WDR37: variants seen among roughly 807,000 people sequenced by gnomAD.
WDR37 encodes the protein WD repeat domain 37.
In WDR37, 19 loss-of-function variants were observed where a neutral mutation model predicts 62.9. The ratio of observed to expected loss-of-function variants is 0.30; its 90% confidence interval spans 0.21 to 0.44. The LOEUF (loss-of-function observed/expected upper bound fraction) is 0.44, where lower values mean the gene tolerates loss of function less well. WDR37 is among the 20% of genes least tolerant of loss of function. The probability of loss-of-function intolerance (pLI) is 1.00; values close to 1 mark genes in which losing one functional copy is unlikely to be tolerated. For synonymous variants in WDR37, 250 were observed against 260.9 expected (o/e 0.96, Z 0.40); for missense variants, 474 against 657.6 (o/e 0.72, Z 3.05).
chr10:1,115,420 A>G (rs1178666200), intron 11 of WDR37, among the ~76,000 whole-genome samples: 1 of 152,214 alleles, frequency 6.6e-6, no homozygotes, highest in African/African-American at 2.4e-5. Flanking sequence ...TTTATTTCCA[A>G]ACACCTGGGG....
chr10:1,107,791 T>C (rs10903369), intron 11 of WDR37, among the ~76,000 whole-genome samples: 17,404 of 151,936 alleles, frequency 0.11, 1,221 homozygotes, highest in East Asian at 0.26. Context: ...GGTTCGCCTG[T>C]TGTATTGCAG....
At chr10:1,094,822 G>A (rs1298233176) in intron 8 of WDR37, among the ~76,000 whole-genome samples, 4 of 151,882 alleles carry the variant, frequency 2.6e-5, no homozygotes, top group Non-Finnish European at 5.9e-5. Flanking sequence ...GTGAGGTAAT[G>A]GACATAGAGA....
At chr10:1,126,307 G>T (rs1483291760) in intron 13 of WDR37, among the ~76,000 whole-genome samples, 1 of 150,792 alleles carries the variant, frequency 6.6e-6, no homozygotes, top group Non-Finnish European at 1.5e-5. Context: ...TCGGGAGGCT[G>T]AGGCAGGAGA....
At chr10:1,066,724 G>C (rs1031640513) in intron 1 of WDR37, among the ~76,000 whole-genome samples, 26 of 152,210 alleles carry the variant, frequency 1.7e-4, no homozygotes, top group African/African-American at 5.5e-4. Context: ...GCTTGTATTA[G>C]TCCATTTTCA....
At chr10:1,084,379 C>G (rs539877231) in intron 5 of WDR37, 24 bp from the exon 6 acceptor site, 1 of 1,597,480 alleles carries the variant, frequency 6.3e-7, no homozygotes, top group Admixed American at 1.7e-5. Flanking sequence ...AATTGTTTCA[C>G]AAGACTCCCC....
intron 13 of WDR37, among the ~76,000 whole-genome samples, chr10:1,127,616 G>A (rs1835834619): frequency 6.6e-6 from 1 of 152,086 alleles, no homozygotes; most frequent in Non-Finnish European, 1.5e-5. Context: ...TGAGTTTTGG[G>A]AAAGCGAGCT....
At chr10:1,124,866 T>C (rs755916189) in intron 12 of WDR37, 44 bp from the exon 13 acceptor site, 2 of 1,605,084 alleles carry the variant, frequency 1.2e-6, no homozygotes, top group Admixed American at 1.7e-5. Context: ...AAACTTACAG[T>C]GTCACTGTTT....
chr10:1,106,782 G>T (rs930669932), intron 11 of WDR37, among the ~76,000 whole-genome samples: 3 of 152,176 alleles, frequency 2.0e-5, no homozygotes, highest in African/African-American at 7.2e-5. Context: ...CTACCAAAGT[G>T]CTGGGATTAT....
chr10:1,102,964 C>T (rs1834876617), intron 9 of WDR37, among the ~76,000 whole-genome samples: 1 of 152,174 alleles, frequency 6.6e-6, no homozygotes, highest in South Asian at 2.1e-4. Context: ...AGCCGTCTGT[C>T]CTCTTCTGCA....
At chr10:1,075,532 A>G (rs1452765430) in intron 2 of WDR37, among the ~76,000 whole-genome samples, 2 of 150,908 alleles carry the variant, frequency 1.3e-5, no homozygotes, top group Non-Finnish European at 1.5e-5. Context: ...ATATTCAAGT[A>G]TATATGACAT....
chr10:1,056,657 A>AG lies in WDR37; in HGVS notation c.-348dup. On this transcript the variant is annotated 5_prime_UTR_variant, in exon 1 of 14. Transcript: ENST00000263150. Reference sequence around the variant, plus strand: ...GTGGGGGCGTTGGCCCAGCAGCCGAAGGGGTCTTCAGCGCGCCCAGACCCC... The same window carrying AG: ...GTGGGGGCGTTGGCCCAGCAGCCGAAGGGGGTCTTCAGCGCGCCCAGACCCC... The AG allele has an allele frequency of 6.6e-6, 1 of 152,320 alleles. No individual in the cohort carries two copies. The highest frequency in any genetic ancestry group is 2.1e-4 in the South Asian group (1 of 4,834). 9.4% of individuals were successfully genotyped at this position (152,320 alleles called of 1,614,324 possible).
At chr10:1,061,831 G>A (rs1296544980) in intron 1 of WDR37, among the ~76,000 whole-genome samples, 1 of 118,936 alleles carries the variant, frequency 8.4e-6, no homozygotes, top group South Asian at 2.8e-4. Context: ...CAGTGGAGAC[G>A]TCATCTCAAA....
rs745566295 is a variant in WDR37 at position 1,124,077 on chromosome 10, G to A, written c.1104-141G>A. The stretch of plus-strand genomic sequence containing the variant: ...CACTGGTGGAGAGGCTTTGGGAGGC[G>A]GGAGCAGTTTGCAGAGGAGAGAGCT... On this transcript the variant is annotated intron_variant, in intron 11 of 13. Coordinates refer to ENST00000263150, the MANE Select transcript of WDR37 (RefSeq NM_014023.4). 23 of 1,089,652 alleles carry A rather than the reference G, an allele frequency of 2.1e-5. No individual in the cohort carries two copies. In the East Asian group the frequency reaches 4.0e-4, roughly 19 times the overall value. The allele number at this position is 1,089,652 out of a possible 1,614,324, so 67.5% of individuals were successfully genotyped here.
chr10:1,116,789 C>G (rs1464545650), intron 11 of WDR37, among the ~76,000 whole-genome samples: 1 of 152,108 alleles, frequency 6.6e-6, no homozygotes, highest in Non-Finnish European at 1.5e-5. Flanking sequence ...TTGGGTGTTT[C>G]CTTTGTATTA....
In WDR37 at chr10:1,121,810, A is replaced by G. The variant is rs1000219271; in HGVS notation, c.1104-2408A>G. On this transcript the variant is annotated intron_variant, in intron 11 of 13. Coordinates refer to ENST00000263150, the MANE Select transcript of WDR37 (RefSeq NM_014023.4). This position sits in a 1 kb window ranked among gnomAD's most constrained non-coding sequence, Gnocchi z 4.5. ...AGCAATCCACACCGCAGCTGTGGGC[A>G]CCACGACCAGGCCTTTGAGAATGCA... Among the ~76,000 whole-genome samples, 11 of 151,872 alleles carry G rather than the reference A, an allele frequency of 7.2e-5. No individual in the cohort carries two copies. The highest frequency in any genetic ancestry group is 2.2e-4 in the African/African-American group (9 of 41,320).
At position 1,123,920 on chromosome 10, in the gene WDR37, A is replaced by G. The variant is rs1835662712; in HGVS notation, c.1104-298A>G. On this transcript the variant is annotated intron_variant, in intron 11 of 13. Coordinates refer to ENST00000263150, the MANE Select transcript of WDR37 (RefSeq NM_014023.4). The stretch of plus-strand genomic sequence containing the variant: ...CTCTGCCATAGACCCAGATGTGTAG[A>G]CATTTGGGCATGTTCTGTCCAACCC... 1.8e-5 allele frequency: 6 copies of G among 326,732 alleles called. No individual in the cohort carries two copies. The South Asian group carries it at 3.9e-4, about 21-fold the overall frequency. 20.2% of individuals were successfully genotyped at this position (326,732 alleles called of 1,614,324 possible).
At position 1,080,397 on chromosome 10, in the gene WDR37, T is replaced by C; in HGVS notation, c.332-15T>C. Reference sequence around the variant, plus strand: ...TTGTGTGATTGTGTTTGATTGTCACTCTCTGTCCCTGCAGCCAGTCACAGC... The same window carrying C: ...TTGTGTGATTGTGTTTGATTGTCACCCTCTGTCCCTGCAGCCAGTCACAGC... On this transcript the variant is annotated splice_polypyrimidine_tract_variant and intron_variant, in intron 4 of 13. Coordinates refer to ENST00000263150, the MANE Select transcript of WDR37 (RefSeq NM_014023.4). The C allele has an allele frequency of 6.2e-7, 1 of 1,614,084 alleles. No homozygotes were observed. Among genetic ancestry groups the C allele is most frequent in the Non-Finnish European group, 8.5e-7 (1 of 1,180,012 alleles).
Position 1,056,756 on chromosome 10 carries a change from T to G in WDR37, c.-253T>G, listed in dbSNP as rs892447305. On this transcript the variant is annotated 5_prime_UTR_variant, in exon 1 of 14. Coordinates refer to ENST00000263150, the MANE Select transcript of WDR37 (RefSeq NM_014023.4). ...TGTGGGGCGGAGGTGTGGGGCGGCT[T>G]CCGGAGAACCCAGCGGCGCGGGACT... is the stretch of plus-strand genomic sequence containing the variant. The G allele has an allele frequency of 2.6e-5, 4 of 152,132 alleles. No individual in the cohort carries two copies. The highest frequency in any genetic ancestry group is 9.7e-5 in the African/African-American group (4 of 41,388). 9.4% of individuals were successfully genotyped at this position (152,132 alleles called of 1,614,324 possible). A position where few individuals can be genotyped will look rare whatever the true frequency, so the allele number is the denominator to read the frequency against.
chr10:1,128,105 T>C (rs1376087221), intron 13 of WDR37, among the ~76,000 whole-genome samples: 1 of 152,248 alleles, frequency 6.6e-6, no homozygotes, highest in Non-Finnish European at 1.5e-5. Context: ...TCTGGCCTTT[T>C]GTGGATGTCT....
Sources: gnomAD v4.1 joint callset for allele counts (sites outside exome capture counted in the v4.1 genomes callset) on GRCh38, gnomAD v4.1.1 for gene constraint, Gnocchi (gnomAD v3.1) non-coding constraint, MANE v1.5 for transcripts, NCBI Gene and HGNC (gene_info 2026-07-23, HGNC 2026-07-21) for gene names.